The following NCAPG variants were observed in gnomAD, a reference collection of about 807,000 sequenced individuals.
NCAPG encodes the protein condensin complex subunit 3.
In NCAPG, 69 loss-of-function variants were observed where a neutral mutation model predicts 113.1. The ratio of observed to expected loss-of-function variants is 0.61; its 90% CI spans 0.50 to 0.75. The LOEUF (loss-of-function observed/expected upper bound fraction) is 0.75. Ranked by LOEUF, NCAPG falls within the 30% of genes least tolerant of loss-of-function variation. NCAPG has a pLI of 0.00. For synonymous variants in NCAPG, 370 were observed against 415.8 expected, an observed-to-expected ratio of 0.89 and a Z score of 1.34; for missense variants, 1,058 against 1,177.0, an observed-to-expected ratio of 0.90 and a Z score of 1.48.
chr4:17,811,055 C>T lies in NCAPG; in HGVS notation c.-23C>T, dbSNP rs1386152810. The stretch of plus-strand genomic sequence containing the variant: ...GCTGTAGCCGAGCGCGGGCAGGACT[C>T]GTCCCGGCAGGGTTCCAGAGCCATG... On this transcript the variant is annotated 5_prime_UTR_variant, in exon 1 of 21. Coordinates refer to ENST00000251496, the MANE Select transcript of NCAPG (RefSeq NM_022346.5). This position sits in a 1 kb window ranked among gnomAD's most constrained non-coding sequence, Gnocchi z 5.3. The T allele has an allele frequency of 7.0e-6, 10 of 1,425,574 alleles. No homozygotes were observed. Among genetic ancestry groups the T allele is most frequent in the Non-Finnish European group, 8.4e-6 (9 of 1,070,950 alleles). 88.3% of individuals were successfully genotyped at this position (1,425,574 alleles called of 1,614,324 possible).
chr4:17,824,095 A>T (rs952837532), intron 9 of NCAPG, among the ~76,000 whole-genome samples: 3 of 152,100 alleles, frequency 2.0e-5, no homozygotes, highest in Non-Finnish European at 1.5e-5. Context: ...AATTGTACAT[A>T]CTAGGGTTTA....
At position 17,842,249 on chromosome 4, in the gene NCAPG, T is replaced by G. The variant is rs1722480739; in HGVS notation, c.2855-61T>G. The stretch of plus-strand genomic sequence containing the variant: ...CAAAGGATTTAGTTAGCCTAGAAAC[T>G]AGATTAAAAACAAAAAGCAACTGAT... On this transcript the variant is annotated intron_variant, in intron 19 of 20. Coordinates refer to ENST00000251496, the MANE Select transcript of NCAPG (RefSeq NM_022346.5). 5.6e-6 allele frequency: 8 copies of G among 1,429,356 alleles called. No homozygotes were observed. The South Asian group carries it at 5.9e-5, about 10-fold the overall frequency. 88.5% of individuals were successfully genotyped at this position (1,429,356 alleles called of 1,614,324 possible).
intron 12 of NCAPG, among the ~76,000 whole-genome samples, chr4:17,828,947 T>TAA (rs974980187): frequency 7.0e-6 from 1 of 143,200 alleles, no homozygotes; most frequent in African/African-American, 2.5e-5. Flanking sequence ...GCCACTGTTT[T>TAA]AAAAAAAAAA....
chr4:17,829,279 T>G (rs1414260813), intron 12 of NCAPG, among the ~76,000 whole-genome samples: 1 of 152,230 alleles, frequency 6.6e-6, no homozygotes, highest in African/African-American at 2.4e-5. Flanking sequence ...CTGTATTTAC[T>G]TGGTATTAGT....
At chr4:17,822,016 G>C (rs1721475328) in intron 7 of NCAPG, among the ~76,000 whole-genome samples, 1 of 151,944 alleles carries the variant, frequency 6.6e-6, no homozygotes, top group Non-Finnish European at 1.5e-5. Context: ...GATGGTGGTG[G>C]TGTATACAGA....
At chr4:17,841,006 C>A (rs1722348684) in intron 19 of NCAPG, among the ~76,000 whole-genome samples, 2 of 151,898 alleles carry the variant, frequency 1.3e-5, no homozygotes, top group South Asian at 4.1e-4. Context: ...TATTTGTGTT[C>A]TATCCTTCCT....
At chr4:17,814,503 G>A (rs554233190) in intron 3 of NCAPG, among the ~76,000 whole-genome samples, 1 of 152,320 alleles carries the variant, frequency 6.6e-6, no homozygotes, top group African/African-American at 2.4e-5. Context: ...GTTCTCACTC[G>A]GGCTGGATTG....
At chr4:17,829,102 T>C (rs1473170891) in intron 12 of NCAPG, among the ~76,000 whole-genome samples, 1 of 152,212 alleles carries the variant, frequency 6.6e-6, no homozygotes. Context: ...CTAAGTCTTA[T>C]AGCGCATCTT....
intron 3 of NCAPG, among the ~76,000 whole-genome samples, chr4:17,814,117 C>A (rs1214588660): frequency 6.6e-6 from 1 of 152,032 alleles, no homozygotes; most frequent in African/African-American, 2.4e-5. Flanking sequence ...TCATTAAAAA[C>A]CAAAATAATG....
At chr4:17,812,060 T>C (rs530611130) in intron 1 of NCAPG, among the ~76,000 whole-genome samples, 161 bp from the exon 2 acceptor site, 2 of 152,320 alleles carry the variant, frequency 1.3e-5, no homozygotes, top group South Asian at 2.1e-4. Context: ...TTCATGCAAA[T>C]TGATTGCCCT....
At chr4:17,812,865 ATT>A in intron 2 of NCAPG, 50 bp from the exon 3 acceptor site, 2 of 1,419,772 alleles carry the variant, frequency 1.4e-6, no homozygotes, top group East Asian at 4.6e-5. Flanking sequence ...AATATTGATT[ATT>A]TGGGAGTGGT....
Position 17,817,265 on chromosome 4 carries a change from T to C in NCAPG, c.780T>C (p.Ala260=), listed in dbSNP as rs1180259323. ...ATGTTTCAAATGACTCAATAGATGC[T>C]GTGAAACAAGCTATGCAGAAGCATC... ...LQQGLNDRSD[A]VKQAMQKHLL... Residue 260 remains alanine, a synonymous_variant, in exon 6 of 21, where the codon GCT becomes GCC. Transcript: ENST00000251496. The C allele has an allele frequency of 1.2e-6, 2 of 1,611,944 alleles. No individual in the cohort carries two copies. Among genetic ancestry groups the C allele is most frequent in the Non-Finnish European group, 1.7e-6 (2 of 1,179,048 alleles).
At position 17,843,508 on chromosome 4, in the gene NCAPG, G is replaced by C; in HGVS notation, c.*83G>C. On this transcript the variant is annotated 3_prime_UTR_variant, in exon 21 of 21. Coordinates refer to ENST00000251496, the MANE Select transcript of NCAPG (RefSeq NM_022346.5). Reference sequence around the variant, plus strand: ...GAAGAAGTTACCCTTGTCAAAATCAGAACAAACCTGATGTCTTTCTGAAGA... The same window carrying C: ...GAAGAAGTTACCCTTGTCAAAATCACAACAAACCTGATGTCTTTCTGAAGA... 6.8e-7 allele frequency: 1 copy of C among 1,468,632 alleles called. No individual in the cohort carries two copies. The highest frequency in any genetic ancestry group is 9.3e-7 in the Non-Finnish European group (1 of 1,072,504). The allele number at this position is 1,468,632 out of a possible 1,614,324, so 91.0% of individuals were successfully genotyped here.
intron 3 of NCAPG, 69 bp from the exon 4 acceptor site, chr4:17,814,784 T>C: frequency 6.8e-7 from 1 of 1,477,746 alleles, no homozygotes; most frequent in South Asian, 1.2e-5. Flanking sequence ...TATCAAAATG[T>C]GTGTTATTTT....
chr4:17,824,866 T>G lies in NCAPG; in HGVS notation c.1384-102T>G. The G allele has an allele frequency of 4.4e-6, 3 of 683,584 alleles. No individual in the cohort carries two copies. The South Asian group carries it at 7.0e-5, about 16-fold the overall frequency. 42.3% of individuals were successfully genotyped at this position (683,584 alleles called of 1,614,324 possible). On this transcript the variant is annotated intron_variant, in intron 9 of 20. Coordinates refer to ENST00000251496, the MANE Select transcript of NCAPG (RefSeq NM_022346.5). ...TTCTACCAGTATGTTTTTGCTCCAT[T>G]ATTCAATATATGGTGGATACTACTT... is the stretch of plus-strand genomic sequence containing the variant.
rs1440972677 is a variant in NCAPG, at chr4:17,840,632, T to C, written c.2793T>C (p.Thr931=). The change falls in exon 19 of 21, where the codon ACT becomes ACC. Residue 931 remains threonine, a synonymous_variant. Coordinates refer to ENST00000251496, the MANE Select transcript of NCAPG (RefSeq NM_022346.5). The part of the protein sequence containing the change: ...EDEKNKEVYM[T]PLRGVKATQA... ...AAAAGAATAAAGAAGTATATATGAC[T>C]CCACTCAGGGGTGTAAAAGCAACCC... 2.6e-6 allele frequency: 4 copies of C among 1,544,392 alleles called. No individual in the cohort carries two copies. In the East Asian group the frequency reaches 9.5e-5, roughly 37 times the overall value.
Position 17,812,937 on chromosome 4 carries a change from T to C in NCAPG, c.336T>C (p.Asn112=), listed in dbSNP as rs1721058165. ...FLLKSHEANS[N]AVRFRVCLLI... ...TTTAGTCTCATGAAGCAAACAGCAA[T>C]GCAGTGAGATTTAGAGTGTGCCTGC... is the stretch of plus-strand genomic sequence containing the variant. Residue 112 remains asparagine, a synonymous_variant, in exon 3 of 21, where the codon AAT becomes AAC. Coordinates refer to ENST00000251496, the MANE Select transcript of NCAPG (RefSeq NM_022346.5). 2.5e-6 allele frequency: 4 copies of C among 1,613,888 alleles called. No individual in the cohort carries two copies. The South Asian group carries it at 4.4e-5, about 18-fold the overall frequency.
intron 7 of NCAPG, among the ~76,000 whole-genome samples, chr4:17,822,433 A>C (rs891242806): frequency 1.3e-5 from 2 of 151,834 alleles, no homozygotes; most frequent in African/African-American, 4.8e-5. Context: ...CTTGTGGTGC[A>C]CCTGCCTCGG....
Position 17,810,999 on chromosome 4 carries a change from G to C in NCAPG, c.-79G>C. On this transcript the variant is annotated 5_prime_UTR_variant, in exon 1 of 21. Transcript: ENST00000251496. ...GGGCTGTCATAGAAGACTACTCGGAGAGCGCTGCCTCTGGGTTGGCGGGCT... is the reference window on the plus strand; with the variant it reads ...GGGCTGTCATAGAAGACTACTCGGACAGCGCTGCCTCTGGGTTGGCGGGCT... 1.2e-6 allele frequency: 1 copy of C among 805,810 alleles called. No homozygotes were observed. 49.9% of individuals were successfully genotyped at this position (805,810 alleles called of 1,614,324 possible).
Sources: gnomAD v4.1 joint callset for allele counts (sites outside exome capture counted in the v4.1 genomes callset) on GRCh38, gnomAD v4.1.1 for gene constraint, Gnocchi (gnomAD v3.1) non-coding constraint, MANE v1.5 for transcripts, NCBI Gene and HGNC (gene_info 2026-07-23, HGNC 2026-07-21) for gene names.